RUNX1T1: variants seen among roughly 807,000 people sequenced by gnomAD.
RUNX1T1 encodes the protein protein CBFA2T1.
A neutral mutation model predicts 62.8 loss-of-function variants in RUNX1T1; 4 were observed. That is an observed-to-expected ratio of 0.06 (90% confidence interval 0.03 to 0.15). The LOEUF (loss-of-function observed/expected upper bound fraction) is 0.15, where lower values mean the gene tolerates loss of function less well. Ranked by LOEUF, RUNX1T1 falls within the 10% of genes least tolerant of loss-of-function variation. The pLI is 1.00. For synonymous variants in RUNX1T1, 291 were observed against 286.0 expected (o/e 1.02, Z -0.18); for missense variants, 508 against 754.3 (o/e 0.67, Z 3.82).
downstream of RUNX1T1, chr8:91,955,480 ATCTGT>A (rs1037430970): frequency 1.3e-5 from 3 of 226,086 alleles, no homozygotes; most frequent in African/African-American, 4.5e-5. Context: ...TTAAAAAAAA[ATCTGT>A]TCTGATACCT....
At chr8:92,093,523 C>CTCAAG (rs1837345386) in intron 1 of RUNX1T1, among the ~76,000 whole-genome samples, 1 of 152,186 alleles carries the variant, frequency 6.6e-6, no homozygotes, top group South Asian at 2.1e-4. Context: ...GTGTAAAATA[C>CTCAAG]ATACATCTCA....
chr8:92,089,307 T>C (rs541190909), intron 1 of RUNX1T1, among the ~76,000 whole-genome samples: 1 of 152,298 alleles, frequency 6.6e-6, no homozygotes, highest in South Asian at 2.1e-4. Flanking sequence ...ACAAAATCAA[T>C]AGGTAATAAT....
intron 1 of RUNX1T1, among the ~76,000 whole-genome samples, chr8:92,099,105 T>A (rs1837922437): frequency 6.6e-6 from 1 of 152,220 alleles, no homozygotes; most frequent in Non-Finnish European, 1.5e-5. Context: ...GAATATTTGT[T>A]ATTTTGCATA....
chr8:91,976,118 C>T (rs976107241), intron 8 of RUNX1T1, 145 bp from the exon 10 acceptor site: 1 of 587,204 alleles, frequency 1.7e-6, no homozygotes, highest in Admixed American at 3.1e-5. Context: ...CATTTCACTT[C>T]TTGAAAACAC....
intron 10 of RUNX1T1, among the ~76,000 whole-genome samples, chr8:91,964,344 T>A (rs1304391203): frequency 1.3e-5 from 2 of 152,160 alleles, no homozygotes; most frequent in East Asian, 3.9e-4. Context: ...CTGCTTTAAG[T>A]CTCTCCAGGT....
chr8:91,968,256 A>G (rs1812053622), intron 10 of RUNX1T1, among the ~76,000 whole-genome samples: 1 of 152,132 alleles, frequency 6.6e-6, no homozygotes, highest in African/African-American at 2.4e-5. Flanking sequence ...CAACTTATCA[A>G]TGAAGACAGG....
chr8:92,033,668 A>C lies in RUNX1T1; in HGVS notation c.8-16305T>G, dbSNP rs118135077. Among the ~76,000 whole-genome samples the C allele has an allele frequency of 8.5e-3, 1,292 of 152,266 alleles. 13 individuals carry two copies. Among genetic ancestry groups the C allele is most frequent in the Non-Finnish European group, 0.015 (1,005 of 68,018 alleles). On this transcript the variant is annotated intron_variant, in intron 1 of 10. Coordinates refer to ENST00000396218, the Ensembl canonical transcript of RUNX1T1. The stretch of plus-strand genomic sequence containing the variant: ...AGATGTGAACCACCATGCCCAGCTA[A>C]ATACAAAAATTAAAATTTTTTGGCT...
At chr8:92,040,267 T>C (rs1264064095) in intron 1 of RUNX1T1, among the ~76,000 whole-genome samples, 1 of 152,226 alleles carries the variant, frequency 6.6e-6, no homozygotes, top group African/African-American at 2.4e-5. Context: ...ATTACCTTCT[T>C]TGGGCTCTAT....
intron 7 of RUNX1T1, among the ~76,000 whole-genome samples, chr8:91,986,652 G>A (rs1273135354): frequency 6.6e-6 from 1 of 152,070 alleles, no homozygotes; most frequent in Admixed American, 6.6e-5. Flanking sequence ...GTAGCCCACC[G>A]ATCTGGCTTT....
intron 4 of RUNX1T1, among the ~76,000 whole-genome samples, chr8:92,007,540 T>C (rs998732266): frequency 2.6e-5 from 4 of 151,814 alleles, no homozygotes; most frequent in Non-Finnish European, 4.4e-5. Context: ...GAGAGATGCA[T>C]TGTTACATGA....
At chr8:92,068,363 C>T (rs945550645) in intron 2 of RUNX1T1, among the ~76,000 whole-genome samples, 13 of 152,156 alleles carry the variant, frequency 8.5e-5, no homozygotes, top group South Asian at 8.3e-4. Flanking sequence ...TTTGTTAAAA[C>T]GCAAGGGTGA....
chr8:91,967,365 T>C (rs148559804), intron 10 of RUNX1T1, among the ~76,000 whole-genome samples: 239 of 152,046 alleles, frequency 1.6e-3, no homozygotes, highest in African/African-American at 5.3e-3. Context: ...GATGATAAAT[T>C]TTACACGCCC....
rs11374252 is a variant in RUNX1T1, at chr8:91,970,043, T to TGTGTGTTGTG, written c.1458+614_1458+615insCACAACACAC. Among the ~76,000 whole-genome samples the TGTGTGTTGTG allele has an allele frequency of 6.2e-3, 884 of 142,798 alleles. 3 individuals carry two copies. The highest frequency in any genetic ancestry group is 0.014 in the Middle Eastern group (4 of 280). The allele number at this position is 142,798 out of a possible 152,430, so 93.7% of individuals were successfully genotyped here. A position where few individuals can be genotyped will look rare whatever the true frequency, so the allele number is the denominator to read the frequency against. On this transcript the variant is annotated intron_variant, in intron 10 of 10. Coordinates refer to ENST00000396218, the Ensembl canonical transcript of RUNX1T1. The stretch of plus-strand genomic sequence containing the variant: ...CTGTGTGTGTGTGTGTGTGTGTGTG[T>TGTGTGTTGTG]TGTGTGTGTGTGTGTGAGAATTATT...
intron 4 of RUNX1T1, 41 bp from the exon 6 acceptor site, chr8:92,005,338 T>C (rs1246918317): frequency 3.8e-6 from 6 of 1,580,106 alleles, no homozygotes; most frequent in Non-Finnish European, 5.2e-6. Flanking sequence ...GACTGAAAGT[T>C]TTCTTCTGTC....
intron 5 of RUNX1T1, among the ~76,000 whole-genome samples, chr8:92,000,199 G>C (rs963691712): frequency 3.3e-5 from 5 of 152,096 alleles, no homozygotes; most frequent in Non-Finnish European, 5.9e-5. Context: ...CTCTCTACTT[G>C]GGAGGCTGAG....
At chr8:92,075,170 C>T (rs938233389) in intron 2 of RUNX1T1, among the ~76,000 whole-genome samples, 1 of 152,198 alleles carries the variant, frequency 6.6e-6, no homozygotes, top group Admixed American at 6.5e-5. Flanking sequence ...AATCTCTTCC[C>T]AACCACTAGA....
At chr8:92,024,633 C>A (rs886640934) in intron 1 of RUNX1T1, among the ~76,000 whole-genome samples, 1 of 151,120 alleles carries the variant, frequency 6.6e-6, no homozygotes, top group African/African-American at 2.4e-5. Flanking sequence ...TATCTGACAT[C>A]TCTGTAGCAT....
intron 1 of RUNX1T1, among the ~76,000 whole-genome samples, chr8:92,082,772 C>A (rs1835478723): frequency 6.6e-6 from 1 of 152,102 alleles, no homozygotes; most frequent in South Asian, 2.1e-4. Context: ...GAATCCCACA[C>A]AATGTCAGAC....
intron 4 of RUNX1T1, 50 bp from the exon 6 acceptor site, chr8:92,005,347 T>C (rs368353668): frequency 9.7e-5 from 149 of 1,537,714 alleles, no homozygotes; most frequent in Admixed American, 1.9e-5. Context: ...TTTTCTTCTG[T>C]CCTGTTGACT....
Sources: gnomAD v4.1 joint callset for allele counts (sites outside exome capture counted in the v4.1 genomes callset) on GRCh38, gnomAD v4.1.1 for gene constraint, MANE v1.5 for transcripts, NCBI Gene and HGNC (gene_info 2026-07-23, HGNC 2026-07-21) for gene names.